Variants in MLLT3 observed in about 807,000 individuals in gnomAD.
MLLT3 encodes the protein MLLT3 super elongation complex subunit.
A neutral mutation model predicts 53.2 loss-of-function variants in MLLT3; 4 were observed. The ratio of observed to expected loss-of-function variants is 0.08; its 90% CI spans 0.04 to 0.17. MLLT3 has a LOEUF of 0.17. Ranked by LOEUF, MLLT3 falls within the 10% of genes least tolerant of loss-of-function variation. The pLI is 1.00. For missense variants in MLLT3, 569 were observed against 684.0 expected, an observed-to-expected ratio of 0.83 and a Z score of 1.87; for synonymous variants, 283 against 230.6, an observed-to-expected ratio of 1.23 and a Z score of -2.06.
intron 6 of MLLT3, 125 bp downstream of exon 6, chr9:20,365,544 T>G: frequency 1.8e-6 from 2 of 1,081,806 alleles, no homozygotes; most frequent in Non-Finnish European, 2.7e-6. Flanking sequence ...TAAACACGGT[T>G]TCACCGTGTT....
intron 3 of MLLT3, among the ~76,000 whole-genome samples, chr9:20,456,401 C>G (rs1823971650): frequency 6.6e-6 from 1 of 152,074 alleles, no homozygotes; most frequent in Non-Finnish European, 1.5e-5. Flanking sequence ...TACTGAAAAA[C>G]TATAATTCTT....
chr9:20,343,214 A>AAATTTTT lies in MLLT3; in HGVS notation c.*3228_*3229insAAAAATT, dbSNP rs56934102. On this transcript the variant is annotated 3_prime_UTR_variant, in exon 11 of 11. Coordinates refer to ENST00000380338, the MANE Select transcript of MLLT3 (RefSeq NM_004529.4). The stretch of plus-strand genomic sequence containing the variant: ...AAAAAAAAAAAAAAAAAAAAAAAAA[A>AAATTTTT]TTTTGAAGAAACTTTTTAGTGGAAG... The AAATTTTT allele has an allele frequency of 8.7e-6, 1 of 115,062 alleles. No homozygotes were observed. Among genetic ancestry groups the AAATTTTT allele is most frequent in the African/African-American group, 6.7e-5 (1 of 14,932 alleles). 7.1% of individuals were successfully genotyped at this position (115,062 alleles called of 1,614,324 possible). A position where few individuals can be genotyped will look rare whatever the true frequency, so the allele number is the denominator to read the frequency against.
At chr9:20,607,373 T>C (rs1166075294) in intron 2 of MLLT3, among the ~76,000 whole-genome samples, 1 of 152,156 alleles carries the variant, frequency 6.6e-6, no homozygotes. Flanking sequence ...TCCTCATTCT[T>C]GTATACACCT....
intron 5 of MLLT3, among the ~76,000 whole-genome samples, chr9:20,375,905 G>A (rs545508880): frequency 1.3e-5 from 2 of 152,214 alleles, no homozygotes; most frequent in Admixed American, 1.3e-4. Flanking sequence ...ACCGCGCCCG[G>A]ACTTCAGTAA....
At chr9:20,362,681 G>C (rs954765785) in intron 7 of MLLT3, 1 of 145,780 alleles carries the variant, frequency 6.9e-6, no homozygotes, top group African/African-American at 2.6e-5. Context: ...GGAAGCATCG[G>C]TCTCTCCAGT....
chr9:20,352,611 C>T (rs991356336), intron 10 of MLLT3, among the ~76,000 whole-genome samples: 1 of 151,344 alleles, frequency 6.6e-6, no homozygotes, highest in African/African-American at 2.4e-5. Flanking sequence ...AAAAGCTTAT[C>T]AGGCCAGTCA....
At chr9:20,451,028 T>A (rs549786089) in intron 3 of MLLT3, among the ~76,000 whole-genome samples, 1 of 152,312 alleles carries the variant, frequency 6.6e-6, no homozygotes, top group African/African-American at 2.4e-5. Flanking sequence ...CTATTAAATG[T>A]TCATGGTAGC....
chr9:20,498,778 T>C (rs2118935702), intron 2 of MLLT3, among the ~76,000 whole-genome samples: 1 of 152,326 alleles, frequency 6.6e-6, no homozygotes, highest in South Asian at 2.1e-4. Context: ...AGACATATGT[T>C]AACAAATATT....
At chr9:20,350,072 G>C (rs1587139496) in intron 10 of MLLT3, among the ~76,000 whole-genome samples, 1 of 152,168 alleles carries the variant, frequency 6.6e-6, no homozygotes, top group African/African-American at 2.4e-5. Context: ...CAGGAATCCT[G>C]ATAGTTAGAA....
At chr9:20,382,712 T>C (rs1821936001) in intron 5 of MLLT3, among the ~76,000 whole-genome samples, 1 of 151,964 alleles carries the variant, frequency 6.6e-6, no homozygotes, top group African/African-American at 2.4e-5. Flanking sequence ...GGATGTCAAA[T>C]GCTTAACTAC....
At chr9:20,582,873 G>T (rs1006293541) in intron 2 of MLLT3, among the ~76,000 whole-genome samples, 1 of 152,104 alleles carries the variant, frequency 6.6e-6, no homozygotes, top group African/African-American at 2.4e-5. Context: ...AGATTTGGGT[G>T]GGGGCACAGT....
At chr9:20,360,319 A>T (rs1009157389) in intron 8 of MLLT3, among the ~76,000 whole-genome samples, 1 of 152,128 alleles carries the variant, frequency 6.6e-6, no homozygotes, top group African/African-American at 2.4e-5. Flanking sequence ...ATTTACAGAT[A>T]AGGAAACTGA....
intron 2 of MLLT3, among the ~76,000 whole-genome samples, chr9:20,542,307 G>A (rs1434385775): frequency 1.3e-5 from 2 of 149,646 alleles, no homozygotes; most frequent in Non-Finnish European, 1.5e-5. Flanking sequence ...GCGGACCGCA[G>A]TGGCGCAATC....
intron 2 of MLLT3, among the ~76,000 whole-genome samples, chr9:20,598,524 C>T (rs1255733806): frequency 2.6e-5 from 4 of 152,204 alleles, no homozygotes; most frequent in Non-Finnish European, 4.4e-5. Context: ...TTTAGTTTTG[C>T]TTTTATCATT....
chr9:20,483,661 G>A (rs1232920909), intron 2 of MLLT3, among the ~76,000 whole-genome samples: 1 of 146,094 alleles, frequency 6.8e-6, no homozygotes, highest in Non-Finnish European at 1.5e-5. Context: ...AATATGACTT[G>A]ATGTTACACT....
At chr9:20,471,872 G>A (rs1446727446) in intron 2 of MLLT3, among the ~76,000 whole-genome samples, 1 of 150,464 alleles carries the variant, frequency 6.6e-6, no homozygotes, top group Non-Finnish European at 1.5e-5. Flanking sequence ...AGTAGGATGT[G>A]GATAATACAC....
intron 2 of MLLT3, among the ~76,000 whole-genome samples, chr9:20,495,091 T>C (rs1825049703): frequency 6.6e-6 from 1 of 152,200 alleles, no homozygotes. Context: ...ACTTAATTAA[T>C]GGGAGTCTGC....
In MLLT3 at chr9:20,394,212, T is replaced by G. The variant is rs75382080; in HGVS notation, c.1125+19509A>C. On this transcript the variant is annotated intron_variant, in intron 5 of 10. Transcript: ENST00000380338. ...ACACCCAAAGAAAAAGGTCCAGGGT[T>G]GGGGGGAGCATTGAGGGACAGGTAC... Among the ~76,000 whole-genome samples the G allele has an allele frequency of 7.5e-3, 1,143 of 152,132 alleles. 48 individuals carry two copies. In the East Asian group the frequency reaches 0.12, roughly 16 times the overall value.
Position 20,400,179 on chromosome 9 carries a change from C to T in MLLT3, c.1125+13542G>A, listed in dbSNP as rs566297970. On this transcript the variant is annotated intron_variant, in intron 5 of 10. Coordinates refer to ENST00000380338, the MANE Select transcript of MLLT3 (RefSeq NM_004529.4). The stretch of plus-strand genomic sequence containing the variant: ...AACATGACTCTGACCATGATTCTAA[C>T]TTTGACTATTGACTTACAGAAAATA... Among the ~76,000 whole-genome samples, 30 of 152,194 alleles carry T rather than the reference C, an allele frequency of 2.0e-4. No homozygotes were observed. The South Asian group carries it at 6.2e-3, about 32-fold the overall frequency.
Sources: allele counts gnomAD v4.1 joint callset (sites outside exome capture counted in the v4.1 genomes callset), GRCh38; gene constraint gnomAD v4.1.1; transcripts MANE v1.5; gene names NCBI Gene and HGNC (gene_info 2026-07-23, HGNC 2026-07-21).